MACROD2: variants seen among roughly 807,000 people sequenced by gnomAD.
The protein encoded by MACROD2 is mono-ADP ribosylhydrolase 2.
In MACROD2, 36 loss-of-function variants were observed where a neutral mutation model predicts 70.4. That is an observed-to-expected ratio of 0.51 (90% CI 0.39 to 0.68). MACROD2 has a LOEUF of 0.68. Ranked by LOEUF, MACROD2 falls within the 30% of genes least tolerant of loss-of-function variation. The pLI, the probability that MACROD2 is intolerant of heterozygous loss-of-function variation, is 0.00. For synonymous variants in MACROD2, 172 were observed against 178.8 expected, an observed-to-expected ratio of 0.96 and a Z score of 0.30; for missense variants, 496 against 538.4, an observed-to-expected ratio of 0.92 and a Z score of 0.78.
intron 3 of MACROD2, among the ~76,000 whole-genome samples, chr20:14,281,746 C>A (rs965882876): frequency 6.6e-6 from 1 of 151,606 alleles, no homozygotes; most frequent in Non-Finnish European, 1.5e-5. Flanking sequence ...ACCAGCCTGA[C>A]CAAAATGGTG....
chr20:14,577,246 C>T (rs982900190), intron 4 of MACROD2, among the ~76,000 whole-genome samples: 2 of 152,160 alleles, frequency 1.3e-5, no homozygotes, highest in Non-Finnish European at 2.9e-5. Context: ...ATGTGAGTAT[C>T]TTATAAATGA....
intron 3 of MACROD2, among the ~76,000 whole-genome samples, chr20:14,159,230 C>T (rs1487960456): frequency 6.6e-6 from 1 of 152,068 alleles, no homozygotes; most frequent in African/African-American, 2.4e-5. Flanking sequence ...AAGAGTGAAA[C>T]TCTGTCTCAA....
In MACROD2 at chr20:15,846,501, T is replaced by C. The variant is rs367828740; in HGVS notation, c.646-16244T>C. Reference sequence around the variant, plus strand: ...GCGATTTTCTCTCATCTAGTTATCCTGACCTTTCTTTCTACTGCATTTTCA... The same window carrying C: ...GCGATTTTCTCTCATCTAGTTATCCCGACCTTTCTTTCTACTGCATTTTCA... On this transcript the variant is annotated intron_variant, in intron 8 of 17. Coordinates refer to ENST00000684519, the MANE Select transcript of MACROD2 (RefSeq NM_001351661.2). 2.9e-3 allele frequency among the ~76,000 whole-genome samples: 436 copies of C among 152,308 alleles called. 3 individuals are homozygous for C. Among genetic ancestry groups the C allele is most frequent in the African/African-American group, 0.01 (419 of 41,574 alleles).
chr20:15,231,849 C>T (rs930864768), intron 6 of MACROD2, among the ~76,000 whole-genome samples: 2 of 151,830 alleles, frequency 1.3e-5, no homozygotes, highest in African/African-American at 4.8e-5. Context: ...TTTGAAGGGC[C>T]AATTACATAT....
chr20:14,444,482 A>G (rs1194286566), intron 3 of MACROD2, among the ~76,000 whole-genome samples: 1 of 151,884 alleles, frequency 6.6e-6, no homozygotes, highest in Non-Finnish European at 1.5e-5. Context: ...TTATCTGCCC[A>G]GCCTCTTAAT....
intron 2 of MACROD2, among the ~76,000 whole-genome samples, chr20:14,064,339 A>G (rs963497917): frequency 5.3e-5 from 8 of 152,140 alleles, no homozygotes; most frequent in Non-Finnish European, 8.8e-5. Flanking sequence ...CTAAATCTAC[A>G]TCTCTAGCCT....
intron 5 of MACROD2, among the ~76,000 whole-genome samples, chr20:15,109,327 C>T (rs1397520691): frequency 1.3e-5 from 2 of 152,086 alleles, no homozygotes; most frequent in Non-Finnish European, 1.5e-5. Flanking sequence ...GCTTTAACAA[C>T]CAGAAGAATT....
chr20:14,951,315 T>C (rs552708404), intron 5 of MACROD2, among the ~76,000 whole-genome samples: 2 of 152,154 alleles, frequency 1.3e-5, no homozygotes, highest in East Asian at 1.9e-4. Flanking sequence ...TGGATGTAAA[T>C]GCAGGAAGCT....
chr20:14,291,402 A>G (rs1329083443), intron 3 of MACROD2, among the ~76,000 whole-genome samples: 1 of 152,120 alleles, frequency 6.6e-6, no homozygotes, highest in Non-Finnish European at 1.5e-5. Flanking sequence ...GTATTTGGAC[A>G]CAGGTAAAAG....
At chr20:15,159,754 G>GCA (rs879639103) in intron 5 of MACROD2, among the ~76,000 whole-genome samples, 180 of 150,930 alleles carry the variant, frequency 1.2e-3, no homozygotes, top group African/African-American at 3.6e-3. Flanking sequence ...ATACACATGG[G>GCA]CACACACACA....
intron 6 of MACROD2, among the ~76,000 whole-genome samples, chr20:15,242,704 TA>T (rs1203874976): frequency 2.0e-5 from 3 of 152,344 alleles, no homozygotes; most frequent in South Asian, 2.1e-4. Context: ...CAGGATCTAG[TA>T]GTATATTTTT....
chr20:15,353,484 A>G (rs1357060204), intron 6 of MACROD2, among the ~76,000 whole-genome samples: 10 of 152,134 alleles, frequency 6.6e-5, no homozygotes, highest in Non-Finnish European at 1.0e-4. Flanking sequence ...AATGGCAACA[A>G]AAGCCAAAAT....
In MACROD2 at chr20:14,021,633, C is replaced by T. The variant is rs1016028997; in HGVS notation, c.163+19229C>T. On this transcript the variant is annotated intron_variant, in intron 2 of 17. Transcript: ENST00000684519. ...CAAAACCTCAGAGCTTCCTATTTCA[C>T]TATTTTCCTTGAACTTAATAATTTA... 2.0e-5 allele frequency among the ~76,000 whole-genome samples: 3 copies of T among 152,308 alleles called. No homozygotes were observed. In the South Asian group the frequency reaches 6.2e-4, roughly 32 times the overall value.
At chr20:15,951,306 GACACACACACACACACACAC>G (rs58032991) in intron 12 of MACROD2, among the ~76,000 whole-genome samples, 2 of 135,534 alleles carry the variant, frequency 1.5e-5, no homozygotes, top group African/African-American at 2.7e-5. Flanking sequence ...TATTTATCTA[GACACACACACACACACACAC>G]ACACACACAC....
At chr20:15,545,180 C>T (rs2048010592) in intron 8 of MACROD2, among the ~76,000 whole-genome samples, 1 of 152,146 alleles carries the variant, frequency 6.6e-6, no homozygotes, top group African/African-American at 2.4e-5. Flanking sequence ...TCTTGCAATT[C>T]AGAATTCTGA....
At chr20:16,047,677 G>A (rs943277698) in intron 17 of MACROD2, among the ~76,000 whole-genome samples, 15 of 29,030 alleles carry the variant, frequency 5.2e-4, no homozygotes, top group African/African-American at 1.1e-3. Context: ...GCCCCAGCAG[G>A]TACCACCCTC....
chr20:15,471,660 A>G (rs779141004), intron 7 of MACROD2, among the ~76,000 whole-genome samples: 2 of 152,182 alleles, frequency 1.3e-5, no homozygotes, highest in Non-Finnish European at 2.9e-5. Context: ...AACCTGTAAC[A>G]TGGGACTTTC....
At chr20:14,712,975 G>T (rs2071355410) in intron 5 of MACROD2, among the ~76,000 whole-genome samples, 1 of 151,952 alleles carries the variant, frequency 6.6e-6, no homozygotes, top group Admixed American at 6.6e-5. Flanking sequence ...TTGTTGTTAG[G>T]TGTTCATCAA....
intron 3 of MACROD2, among the ~76,000 whole-genome samples, chr20:14,338,596 T>C (rs1026965796): frequency 1.3e-5 from 2 of 152,182 alleles, no homozygotes; most frequent in African/African-American, 4.8e-5. Context: ...CAATAAAATG[T>C]TTTTAAAAAA....
Sources: allele counts gnomAD v4.1 joint callset (sites outside exome capture counted in the v4.1 genomes callset), GRCh38; gene constraint gnomAD v4.1.1; transcripts MANE v1.5; gene names NCBI Gene and HGNC (gene_info 2026-07-23, HGNC 2026-07-21).